LRRC4C: variants seen among roughly 807,000 people sequenced by gnomAD.
LRRC4C encodes the protein leucine-rich repeat-containing protein 4C.
LRRC4C carries 5 observed loss-of-function variants against 33.6 expected under a neutral mutation model. The ratio of observed to expected loss-of-function variants is 0.15; its 90% CI spans 0.08 to 0.31. The LOEUF (loss-of-function observed/expected upper bound fraction) is 0.31, where lower values mean the gene tolerates loss of function less well. LRRC4C is among the 10% of genes least tolerant of loss of function. The probability of loss-of-function intolerance (pLI) is 1.00; values close to 1 mark genes in which losing one functional copy is unlikely to be tolerated. For synonymous variants in LRRC4C, 329 were observed against 302.0 expected, an observed-to-expected ratio of 1.09 and a Z score of -0.93; for missense variants, 560 against 796.7, an observed-to-expected ratio of 0.70 and a Z score of 3.58.
chr11:40,721,375 A>T (rs1947005251), intron 2 of LRRC4C, among the ~76,000 whole-genome samples: 1 of 152,182 alleles, frequency 6.6e-6, no homozygotes, highest in Non-Finnish European at 1.5e-5. Context: ...CAGACAACAG[A>T]TCTGCCATCA....
chr11:40,359,069 G>A (rs917996924), intron 3 of LRRC4C, among the ~76,000 whole-genome samples: 1 of 151,922 alleles, frequency 6.6e-6, no homozygotes, highest in Non-Finnish European at 1.5e-5. Context: ...AAATTGTTTA[G>A]GGAAAAAAAA....
intron 2 of LRRC4C, among the ~76,000 whole-genome samples, chr11:40,730,775 T>G (rs938736507): frequency 1.3e-5 from 2 of 152,212 alleles, no homozygotes; most frequent in Admixed American, 1.3e-4. Flanking sequence ...GTTACCTTCA[T>G]TCTGAGTGCC....
At chr11:40,436,300 T>C (rs1333214300) in intron 3 of LRRC4C, among the ~76,000 whole-genome samples, 1 of 152,196 alleles carries the variant, frequency 6.6e-6, no homozygotes, top group Non-Finnish European at 1.5e-5. Context: ...TTTAGGTAGT[T>C]TGAGGCATTC....
chr11:40,565,577 C>T (rs1957723824), intron 3 of LRRC4C, among the ~76,000 whole-genome samples: 1 of 152,116 alleles, frequency 6.6e-6, no homozygotes. Context: ...TCTTCCTACC[C>T]AAACTCCCTT....
intron 2 of LRRC4C, among the ~76,000 whole-genome samples, chr11:40,772,031 A>G (rs1327338133): frequency 6.6e-6 from 1 of 152,144 alleles, no homozygotes; most frequent in African/African-American, 2.4e-5. Flanking sequence ...GTATCTTTAT[A>G]GCAGCAACCC....
chr11:40,205,675 G>A lies in LRRC4C; in HGVS notation c.-96+35844C>T, dbSNP rs145162138. ...TCTCCTATTTTGAATGTTTTCCCAC[G>A]TTCTCACCCCTGTCAAAATATTCAG... On this transcript the variant is annotated intron_variant, in intron 5 of 6. Transcript: ENST00000528697. Among the ~76,000 whole-genome samples the A allele has an allele frequency of 2.1e-4, 32 of 151,970 alleles. No homozygotes were observed. The East Asian group carries it at 3.9e-3, about 18-fold the overall frequency.
At chr11:41,374,021 C>A (rs1308133650) in intron 1 of LRRC4C, among the ~76,000 whole-genome samples, 3 of 152,016 alleles carry the variant, frequency 2.0e-5, no homozygotes, top group African/African-American at 7.2e-5. Context: ...ATTCTTTTGG[C>A]CAATACCTAA....
intron 2 of LRRC4C, among the ~76,000 whole-genome samples, chr11:40,778,376 C>T (rs1444188999): frequency 2.6e-5 from 4 of 152,190 alleles, no homozygotes; most frequent in Non-Finnish European, 5.9e-5. Flanking sequence ...CAGTTTAGGA[C>T]TTCGATGCTA....
intron 1 of LRRC4C, among the ~76,000 whole-genome samples, chr11:41,432,804 T>C (rs1158897702): frequency 6.6e-6 from 1 of 152,048 alleles, no homozygotes; most frequent in Non-Finnish European, 1.5e-5. Flanking sequence ...GCTGGCATCA[T>C]TTTTCCCCCC....
At chr11:41,072,119 G>A (rs1234227322) in intron 1 of LRRC4C, among the ~76,000 whole-genome samples, 1 of 151,972 alleles carries the variant, frequency 6.6e-6, no homozygotes, top group Non-Finnish European at 1.5e-5. Context: ...TGTTGGAATG[G>A]CAACAAAGGA....
intron 5 of LRRC4C, among the ~76,000 whole-genome samples, chr11:40,152,266 A>T (rs1858281826): frequency 6.6e-6 from 1 of 152,204 alleles, no homozygotes; most frequent in African/African-American, 2.4e-5. Context: ...CAAGTAAAAT[A>T]TAGGGGCAGA....
chr11:41,218,702 G>A (rs1339736217), intron 1 of LRRC4C, among the ~76,000 whole-genome samples: 1 of 147,120 alleles, frequency 6.8e-6, no homozygotes, highest in Non-Finnish European at 1.5e-5. Flanking sequence ...ATTCTATGTT[G>A]TTTTCAACAT....
intron 2 of LRRC4C, among the ~76,000 whole-genome samples, chr11:40,712,020 A>G (rs967222171): frequency 6.6e-6 from 1 of 152,164 alleles, no homozygotes; most frequent in African/African-American, 2.4e-5. Context: ...GTAGTGTGGT[A>G]ATTGTACAAA....
At chr11:41,118,862 T>C (rs1399752219) in intron 1 of LRRC4C, among the ~76,000 whole-genome samples, 1 of 152,086 alleles carries the variant, frequency 6.6e-6, no homozygotes, top group Non-Finnish European at 1.5e-5. Flanking sequence ...CATTACATCA[T>C]AGAGTGTCCT....
intron 3 of LRRC4C, among the ~76,000 whole-genome samples, chr11:40,609,532 A>G (rs963971203): frequency 5.3e-5 from 8 of 152,008 alleles, no homozygotes; most frequent in African/African-American, 1.9e-4. Flanking sequence ...AAGTTAAAAG[A>G]AGGAAAAACA....
At chr11:41,144,280 G>C (rs1565423469) in intron 1 of LRRC4C, among the ~76,000 whole-genome samples, 1 of 152,168 alleles carries the variant, frequency 6.6e-6, no homozygotes, top group African/African-American at 2.4e-5. Flanking sequence ...CCCCAAAGCA[G>C]TGAGTGACCA....
chr11:41,065,809 G>T (rs543777416), intron 1 of LRRC4C, among the ~76,000 whole-genome samples: 2 of 152,094 alleles, frequency 1.3e-5, no homozygotes, highest in Non-Finnish European at 2.9e-5. Context: ...TGCAGCAGAC[G>T]TGCCGAAGAG....
chr11:40,610,346 C>T (rs1290399616), intron 3 of LRRC4C, among the ~76,000 whole-genome samples: 2 of 151,738 alleles, frequency 1.3e-5, no homozygotes, highest in Non-Finnish European at 2.9e-5. Context: ...ACTCAACACA[C>T]TAGGAATAGA....
At chr11:40,734,143 C>T (rs1417113770) in intron 2 of LRRC4C, among the ~76,000 whole-genome samples, 1 of 151,990 alleles carries the variant, frequency 6.6e-6, no homozygotes, top group Admixed American at 6.6e-5. Context: ...TTTAAGATAT[C>T]CTAAAATCAA....
Sources: allele counts gnomAD v4.1 joint callset (sites outside exome capture counted in the v4.1 genomes callset), GRCh38; gene constraint gnomAD v4.1.1; transcripts MANE v1.5; gene names NCBI Gene and HGNC (gene_info 2026-07-23, HGNC 2026-07-21).